Variants in ANGEL1 observed in about 807,000 individuals in gnomAD.
ANGEL1 encodes the protein angel homolog 1.
Under a neutral mutation model 76.4 loss-of-function variants are expected in ANGEL1, and 62 were observed. The ratio of observed to expected loss-of-function variants is 0.81; its 90% CI spans 0.66 to 1.00. The LOEUF is 1.00. Ranked by LOEUF, ANGEL1 falls within the 50% of genes least tolerant of loss-of-function variation. The pLI is 0.00. For missense variants in ANGEL1, 737 were observed against 836.7 expected (o/e 0.88, Z 1.47); for synonymous variants, 340 against 331.7 (o/e 1.03, Z -0.27).
At chr14:76,792,071 C>A (rs1427235725) in intron 7 of ANGEL1, among the ~76,000 whole-genome samples, 2 of 151,956 alleles carry the variant, frequency 1.3e-5, no homozygotes, top group Non-Finnish European at 2.9e-5. Context: ...GAAAGAGGGG[C>A]CATCACCACC....
intron 1 of ANGEL1, chr14:76,809,989 A>C (rs1420556201): frequency 2.6e-6 from 1 of 379,072 alleles, no homozygotes; most frequent in East Asian, 6.6e-5. Flanking sequence ...TACTATTAAC[A>C]AACTCTTTGG....
chr14:76,799,278 C>CTTTTTTTTTTTTTTTTTTTT (rs71122579), intron 7 of ANGEL1, among the ~76,000 whole-genome samples: 3 of 52,342 alleles, frequency 5.7e-5, no homozygotes, highest in Non-Finnish European at 9.5e-5. Flanking sequence ...TCATGGCCTC[C>CTTTTTTTTTTTTTTTTTTTT]TTTTTTTTTT....
chr14:76,792,953 T>G (rs780205736), intron 7 of ANGEL1, among the ~76,000 whole-genome samples: 2 of 152,172 alleles, frequency 1.3e-5, no homozygotes, highest in Non-Finnish European at 2.9e-5. Flanking sequence ...GGAATACTAT[T>G]TCTATTTGTA....
intron 7 of ANGEL1, among the ~76,000 whole-genome samples, chr14:76,794,652 C>T (rs1350792772): frequency 2.1e-5 from 3 of 146,270 alleles, no homozygotes; most frequent in Admixed American, 7.0e-5. Flanking sequence ...GCGTGGGCAA[C>T]GGAGCGAGAC....
intron 7 of ANGEL1, among the ~76,000 whole-genome samples, chr14:76,797,843 G>A: frequency 6.6e-6 from 1 of 152,350 alleles, no homozygotes; most frequent in East Asian, 1.9e-4. Flanking sequence ...TAATGTGCCA[G>A]TGTCTATGAG....
At chr14:76,799,906 G>GAAACAA (rs1169172987) in intron 7 of ANGEL1, among the ~76,000 whole-genome samples, 1 of 119,740 alleles carries the variant, frequency 8.4e-6, no homozygotes. Flanking sequence ...ACTCTGTCAT[G>GAAACAA]AAAAAAAAAA....
chr14:76,803,736 C>T, intron 6 of ANGEL1, 50 bp downstream of exon 6: 1 of 1,557,382 alleles, frequency 6.4e-7, no homozygotes, highest in Non-Finnish European at 8.7e-7. Flanking sequence ...CAGCTTTCTC[C>T]CAAAATGGGC....
intron 7 of ANGEL1, 42 bp downstream of exon 7, chr14:76,803,329 A>C: frequency 1.3e-6 from 2 of 1,501,632 alleles, no homozygotes; most frequent in Non-Finnish European, 1.8e-6. Flanking sequence ...ATCAGGAATG[A>C]GGAAGAAAGA....
In ANGEL1 at chr14:76,789,391, G is replaced by A. The variant is rs752589826; in HGVS notation, c.1853-3C>T. The stretch of plus-strand genomic sequence containing the variant: ...TCCATCTCGATACAGCCTGTGATCT[G>A]GGGCACAAAGCAGAAGCCAATGGGT... On this transcript the variant is annotated splice_region_variant and splice_polypyrimidine_tract_variant and intron_variant, in intron 9 of 9. Transcript: ENST00000251089. The A allele has an allele frequency of 6.2e-6, 10 of 1,613,930 alleles. No homozygotes were observed. The highest frequency in any genetic ancestry group is 6.8e-6 in the Non-Finnish European group (8 of 1,179,980).
chr14:76,810,258 C>T (rs1345512470), intron 1 of ANGEL1: 3 of 454,568 alleles, frequency 6.6e-6, no homozygotes, highest in Non-Finnish European at 1.3e-5. Context: ...TTCATCTCTA[C>T]AAAAAATTAA....
intron 7 of ANGEL1, among the ~76,000 whole-genome samples, chr14:76,798,961 AAAAACAAAGGGAGTTGG>A (rs1406089711): frequency 6.6e-6 from 1 of 151,968 alleles, no homozygotes; most frequent in African/African-American, 2.4e-5. Context: ...AAAAAAAAAA[AAAAACAAAGGGAGTTGG>A]AAATAGTAAG....
rs552838306 is a variant in ANGEL1, at chr14:76,791,198, G to T, written c.1688+99C>A. ...TAGGGGAAAAAGAGCTTATCAAAAA[G>T]TGCTCCCCCAAGTCAACCTCAGGAC... On this transcript the variant is annotated intron_variant, in intron 8 of 9. Coordinates refer to ENST00000251089, the MANE Select transcript of ANGEL1 (RefSeq NM_015305.4). 50 of 1,284,364 alleles carry T rather than the reference G, an allele frequency of 3.9e-5. No homozygotes were observed. In the Middle Eastern group the frequency reaches 7.0e-4, roughly 18 times the overall value. The allele number at this position is 1,284,364 out of a possible 1,614,324, so 79.6% of individuals were successfully genotyped here.
intron 4 of ANGEL1, among the ~76,000 whole-genome samples, chr14:76,807,064 A>C (rs973403767): frequency 1.3e-5 from 2 of 152,214 alleles, no homozygotes; most frequent in African/African-American, 4.8e-5. Flanking sequence ...GGTATGAAGC[A>C]ATGTAACATG....
At chr14:76,805,987 G>GT (rs1453458700) in intron 5 of ANGEL1, among the ~76,000 whole-genome samples, 3 of 152,172 alleles carry the variant, frequency 2.0e-5, no homozygotes, top group Non-Finnish European at 4.4e-5. Flanking sequence ...CTTAACAAAT[G>GT]TAAACACTGA....
At chr14:76,791,554 A>G (rs1595292941) in intron 7 of ANGEL1, among the ~76,000 whole-genome samples, 188 bp from the exon 8 acceptor site, 1 of 152,192 alleles carries the variant, frequency 6.6e-6, no homozygotes, top group South Asian at 2.1e-4. Flanking sequence ...CAGAAAGCAG[A>G]TGTAGGGCAT....
intron 4 of ANGEL1, among the ~76,000 whole-genome samples, chr14:76,807,167 A>G (rs1198370905): frequency 6.6e-6 from 1 of 152,248 alleles, no homozygotes; most frequent in African/African-American, 2.4e-5. Flanking sequence ...AGGAAGTCAC[A>G]TGAGTTTTCA....
intron 5 of ANGEL1, chr14:76,804,465 T>A (rs557807802): frequency 2.0e-6 from 2 of 991,316 alleles, no homozygotes; most frequent in Non-Finnish European, 2.4e-6. Context: ...ACATCAGTCA[T>A]CTGCACATCT....
Position 76,788,929 on chromosome 14 carries a change from A to C in ANGEL1, c.*299T>G. ...AAGAACTCCCATAACCCTGGTAATT[A>C]AAAATCAAGGGGGAGCGCTGGATAC... On this transcript the variant is annotated 3_prime_UTR_variant, in exon 10 of 10. Transcript: ENST00000251089. 3.2e-6 allele frequency: 1 copy of C among 314,734 alleles called. No individual in the cohort carries two copies. The highest frequency in any genetic ancestry group is 5.9e-6 in the Non-Finnish European group (1 of 170,384). 19.5% of individuals were successfully genotyped at this position (314,734 alleles called of 1,614,324 possible).
At chr14:76,811,526 CGG>C (rs1555361966) in intron 1 of ANGEL1, among the ~76,000 whole-genome samples, 3 of 4,360 alleles carry the variant, frequency 6.9e-4, no homozygotes, top group Non-Finnish European at 1.7e-3. Flanking sequence ...GGTGGGGGGG[CGG>C]GGGGGGCCCT....
Sources: allele counts gnomAD v4.1 joint callset (sites outside exome capture counted in the v4.1 genomes callset), GRCh38; gene constraint gnomAD v4.1.1; transcripts MANE v1.5; gene names NCBI Gene and HGNC (gene_info 2026-07-23, HGNC 2026-07-21).